Variants in FRMD4B observed in about 807,000 individuals in gnomAD.
FRMD4B encodes FERM domain containing 4B, also known as FERM domain-containing protein 4B.
FRMD4B carries 74 observed loss-of-function variants against 141.5 expected under a neutral mutation model. The ratio of observed to expected loss-of-function variants is 0.52; its 90% CI spans 0.43 to 0.63. FRMD4B has a LOEUF of 0.63. Among genes scored for constraint, FRMD4B ranks in the 30% least tolerant of loss-of-function variants. The pLI is 0.00. For missense variants in FRMD4B, 1,366 were observed against 1,253.4 expected, an observed-to-expected ratio of 1.09 and a Z score of -1.36; for synonymous variants, 506 against 467.9, an observed-to-expected ratio of 1.08 and a Z score of -1.05.
chr3:69,195,499 A>T (rs916616084), intron 14 of FRMD4B, 135 bp from the exon 15 acceptor site: 3 of 696,626 alleles, frequency 4.3e-6, no homozygotes, highest in Non-Finnish European at 4.5e-6. Flanking sequence ...TCAACATAAT[A>T]AAAGGAAACT....
intron 5 of FRMD4B, among the ~76,000 whole-genome samples, chr3:69,262,928 A>C (rs1169991871): frequency 1.3e-5 from 2 of 152,210 alleles, no homozygotes; most frequent in Non-Finnish European, 2.9e-5. Flanking sequence ...CCTGTCATAC[A>C]AAGTTCAAAG....
chr3:69,495,349 T>C (rs1214536944), intron 1 of FRMD4B, among the ~76,000 whole-genome samples: 3 of 152,204 alleles, frequency 2.0e-5, no homozygotes, highest in South Asian at 2.1e-4. Context: ...ACTTTCTCTA[T>C]GAAGAACAGA....
chr3:69,330,758 A>C (rs1702343971), intron 1 of FRMD4B, among the ~76,000 whole-genome samples: 1 of 151,744 alleles, frequency 6.6e-6, no homozygotes, highest in Non-Finnish European at 1.5e-5. Context: ...CAGCCTCCCA[A>C]AGTGCTGGGA....
rs1054280016 is a variant in FRMD4B at position 69,448,321 on chromosome 3, C to T, written c.-128-15560G>A. On this transcript the variant is annotated intron_variant, in intron 1 of 5. Coordinates refer to the FRMD4B transcript ENST00000459638. Reference sequence around the variant, plus strand: ...CTGGGATTACAGGCGTGAGACACCACGCCTGGCCCCAGTACAAATCTTTTA... The same window carrying T: ...CTGGGATTACAGGCGTGAGACACCATGCCTGGCCCCAGTACAAATCTTTTA... Among the ~76,000 whole-genome samples, 9 of 152,274 alleles carry T rather than the reference C, an allele frequency of 5.9e-5. No homozygotes were observed. In the South Asian group the frequency reaches 6.2e-4, roughly 11 times the overall value.
chr3:69,427,905 C>T lies in FRMD4B; in HGVS notation c.-1+4729G>A, dbSNP rs1290417390. The stretch of plus-strand genomic sequence containing the variant: ...TCCTGACCTCGAGTGATCTGCCCAC[C>T]TCGGCCTCCCAAAATGCTGGGATTA... On this transcript the variant is annotated intron_variant, in intron 2 of 5. Transcript: ENST00000459638. Among the ~76,000 whole-genome samples, 3 of 151,936 alleles carry T rather than the reference C, an allele frequency of 2.0e-5. No homozygotes were observed. In the East Asian group the frequency reaches 5.8e-4, roughly 30 times the overall value.
intron 1 of FRMD4B, among the ~76,000 whole-genome samples, chr3:69,475,783 C>T (rs35934980): frequency 0.63 from 94,176 of 149,462 alleles, 30,986 homozygotes; most frequent in African/African-American, 0.82. Context: ...ATCGCCACAC[C>T]GACTTCCACA....
intron 1 of FRMD4B, among the ~76,000 whole-genome samples, chr3:69,349,522 C>T (rs1315146395): frequency 6.6e-6 from 1 of 152,188 alleles, no homozygotes; most frequent in Non-Finnish European, 1.5e-5. Flanking sequence ...CCAAGTCAAT[C>T]CTAAGCCAAA....
chr3:69,298,560 A>G (rs1291146083), intron 4 of FRMD4B, among the ~76,000 whole-genome samples: 2 of 151,670 alleles, frequency 1.3e-5, no homozygotes, highest in Admixed American at 6.6e-5. Context: ...ACTCCTACTC[A>G]CCTCCCTTTT....
chr3:69,181,143 T>C lies in FRMD4B; in HGVS notation c.2607A>G (p.Pro869=), dbSNP rs1402727647. The C allele has an allele frequency of 4.3e-6, 7 of 1,613,986 alleles. No individual in the cohort carries two copies. The highest frequency in any genetic ancestry group is 5.9e-6 in the Non-Finnish European group (7 of 1,179,880). The change falls in exon 21 of 23, where the codon CCA becomes CCG. Residue 869 remains proline, a synonymous_variant. Coordinates refer to ENST00000398540, the MANE Select transcript of FRMD4B (RefSeq NM_015123.3). ...EDEVDRVPHN[P]YATLRLPRKA... ...TCCTTGGCAGCCGGAGAGTTGCATA[T>C]GGGTTATGGGGTACCCGGTCGACCT...
chr3:69,317,564 T>G (rs1002827096), intron 1 of FRMD4B, among the ~76,000 whole-genome samples: 1 of 151,710 alleles, frequency 6.6e-6, no homozygotes, highest in Non-Finnish European at 1.5e-5. Flanking sequence ...CTGGCCAACA[T>G]GGTAATGGTA....
At chr3:69,523,348 G>A (rs1377981218) in intron 1 of FRMD4B, among the ~76,000 whole-genome samples, 1 of 152,136 alleles carries the variant, frequency 6.6e-6, no homozygotes, top group African/African-American at 2.4e-5. Context: ...TAAGGTTAAG[G>A]CCCATTCACA....
At chr3:69,298,631 T>C (rs962992971) in intron 4 of FRMD4B, among the ~76,000 whole-genome samples, 3 of 152,188 alleles carry the variant, frequency 2.0e-5, no homozygotes, top group Non-Finnish European at 4.4e-5. Flanking sequence ...GGCATGCTCT[T>C]GCCAACCTTT....
chr3:69,470,117 A>T (rs1480615017), intron 1 of FRMD4B, among the ~76,000 whole-genome samples: 1 of 152,252 alleles, frequency 6.6e-6, no homozygotes. Flanking sequence ...TTTGCAGAAA[A>T]CAAGTTTATT....
chr3:69,474,866 C>T (rs546015757), intron 1 of FRMD4B, among the ~76,000 whole-genome samples: 1 of 152,182 alleles, frequency 6.6e-6, no homozygotes, highest in African/African-American at 2.4e-5. Flanking sequence ...GGATAAAATG[C>T]TATCAAAGGG....
chr3:69,353,761 T>C lies in FRMD4B; in HGVS notation c.162+32067A>G, dbSNP rs936220775. ...CCATATAATCTCAAGGAAATGACCA[T>C]ACTGTTTGTTTCTTTGATTAGAAAC... On this transcript the variant is annotated intron_variant, in intron 1 of 22. Coordinates refer to ENST00000398540, the MANE Select transcript of FRMD4B (RefSeq NM_015123.3). The C allele has an allele frequency of 2.3e-5, 22 of 953,124 alleles. No individual in the cohort carries two copies. In the African/African-American group the frequency reaches 3.9e-4, roughly 17 times the overall value. The allele number at this position is 953,124 out of a possible 1,614,324, so 59.0% of individuals were successfully genotyped here. A position where few individuals can be genotyped will look rare whatever the true frequency, so the allele number is the denominator to read the frequency against.
intron 2 of FRMD4B, among the ~76,000 whole-genome samples, chr3:69,403,119 T>C (rs1333084936): frequency 6.6e-6 from 1 of 152,196 alleles, no homozygotes; most frequent in South Asian, 2.1e-4. Flanking sequence ...TCAGATCCCC[T>C]CTACTTCATT....
chr3:69,316,747 C>T (rs547954089), intron 1 of FRMD4B, among the ~76,000 whole-genome samples: 6 of 152,170 alleles, frequency 3.9e-5, no homozygotes, highest in Non-Finnish European at 8.8e-5. Context: ...CAGTATTAAT[C>T]CATTAAGGAA....
chr3:69,220,672 G>T (rs933105212), intron 9 of FRMD4B, among the ~76,000 whole-genome samples: 9 of 152,082 alleles, frequency 5.9e-5, no homozygotes, highest in Admixed American at 3.9e-4. Flanking sequence ...GCCAACATGG[G>T]GAAACCCTGT....
In FRMD4B at chr3:69,207,633, C is replaced by T. The variant is rs185398893; in HGVS notation, c.876+8630G>A. On this transcript the variant is annotated intron_variant, in intron 11 of 22. Transcript: ENST00000398540. ...AACCATCTTGGCCAACATGGTGAAA[C>T]CCCGTCTCTACTAAAAATACAAAAA... Among the ~76,000 whole-genome samples the T allele has an allele frequency of 1.9e-3, 285 of 152,124 alleles. 5 individuals carry two copies. The South Asian group carries it at 0.033, about 17-fold the overall frequency.
Sources: gnomAD v4.1 joint callset for allele counts (sites outside exome capture counted in the v4.1 genomes callset) on GRCh38, gnomAD v4.1.1 for gene constraint, MANE v1.5 for transcripts, NCBI Gene and HGNC (gene_info 2026-07-23, HGNC 2026-07-21) for gene names.